The following ADK variants were observed in gnomAD, a reference collection of about 807,000 sequenced individuals.
ADK encodes N6,N6-dimethyladenosine kinase.
ADK carries 24 observed loss-of-function variants against 44.7 expected under a neutral mutation model. The observed-to-expected ratio is 0.54, with a 90% CI of 0.39 to 0.76. The LOEUF is 0.76. Among genes scored for constraint, ADK ranks in the 30% least tolerant of loss-of-function variants. The probability of loss-of-function intolerance (pLI) is 0.00; values close to 1 mark genes in which losing one functional copy is unlikely to be tolerated. For synonymous variants in ADK, 128 were observed against 142.6 expected, an observed-to-expected ratio of 0.90 and a Z score of 0.73; for missense variants, 321 against 425.1, an observed-to-expected ratio of 0.76 and a Z score of 2.15.
chr10:74,539,148 G>GT (rs1849547932), intron 7 of ADK, among the ~76,000 whole-genome samples: 1 of 152,052 alleles, frequency 6.6e-6, no homozygotes, highest in Non-Finnish European at 1.5e-5. Context: ...GAGAATTCTT[G>GT]TTTGAATTTT....
intron 7 of ADK, among the ~76,000 whole-genome samples, chr10:74,578,749 C>G (rs1851279855): frequency 6.6e-6 from 1 of 151,794 alleles, no homozygotes. Context: ...AGACAAAAAG[C>G]AAGAAAATTA....
intron 6 of ADK, among the ~76,000 whole-genome samples, chr10:74,412,723 C>CT (rs1053831673): frequency 1.3e-5 from 2 of 152,070 alleles, no homozygotes; most frequent in African/African-American, 4.8e-5. Context: ...TAAAGGGAAT[C>CT]TTTTTTTCTG....
chr10:74,690,622 A>C (rs540246878), intron 10 of ADK, among the ~76,000 whole-genome samples: 1 of 152,218 alleles, frequency 6.6e-6, no homozygotes, highest in Non-Finnish European at 1.5e-5. Context: ...TGTCAACAGC[A>C]TGGCTTTTTT....
intron 3 of ADK, among the ~76,000 whole-genome samples, chr10:74,303,795 C>G (rs1054445010): frequency 1.3e-5 from 2 of 150,944 alleles, no homozygotes; most frequent in Non-Finnish European, 3.0e-5. Context: ...TAGTGAAAAC[C>G]CGTCTCTACT....
At chr10:74,325,045 T>A (rs1474724928) in intron 4 of ADK, among the ~76,000 whole-genome samples, 1 of 152,202 alleles carries the variant, frequency 6.6e-6, no homozygotes. Context: ...ATCATTGTCA[T>A]TTGAGAGGGT....
intron 1 of ADK, among the ~76,000 whole-genome samples, chr10:74,197,773 T>G (rs1471448604): frequency 1.3e-5 from 2 of 152,262 alleles, no homozygotes; most frequent in East Asian, 3.9e-4. Context: ...TACTTCATTC[T>G]TAGAATCAAT....
chr10:74,515,349 G>T (rs1252437142), intron 6 of ADK, among the ~76,000 whole-genome samples: 1 of 152,104 alleles, frequency 6.6e-6, no homozygotes, highest in Non-Finnish European at 1.5e-5. Flanking sequence ...CTCAGGTCTG[G>T]GGTATGTATG....
At chr10:74,406,523 T>TAAG (rs1378751334) in intron 6 of ADK, among the ~76,000 whole-genome samples, 124 of 56,114 alleles carry the variant, frequency 2.2e-3, no homozygotes, top group African/African-American at 2.4e-3. Context: ...ATAATAATAA[T>TAAG]AATAAGAAGA....
chr10:74,515,644 G>A (rs1053346468), intron 6 of ADK, among the ~76,000 whole-genome samples: 4 of 152,182 alleles, frequency 2.6e-5, no homozygotes, highest in African/African-American at 9.7e-5. Context: ...GGGGACCTGT[G>A]TGTCTGTTTC....
chr10:74,191,785 G>T (rs1025807469), intron 1 of ADK, among the ~76,000 whole-genome samples: 1 of 152,088 alleles, frequency 6.6e-6, no homozygotes, highest in Admixed American at 6.6e-5. Flanking sequence ...ACGGGTTTTT[G>T]TATATACTGT....
chr10:74,345,378 A>G (rs1170867148), intron 4 of ADK, among the ~76,000 whole-genome samples: 1 of 151,046 alleles, frequency 6.6e-6, no homozygotes, highest in African/African-American at 2.4e-5. Flanking sequence ...AGAGGTTGCC[A>G]CTCACTGGAA....
intron 9 of ADK, among the ~76,000 whole-genome samples, chr10:74,617,852 A>G (rs1009893059): frequency 6.6e-6 from 1 of 152,216 alleles, no homozygotes; most frequent in African/African-American, 2.4e-5. Context: ...TTGGGCTCCC[A>G]TAGTGCGGGG....
intron 6 of ADK, among the ~76,000 whole-genome samples, chr10:74,443,157 T>C (rs1026716415): frequency 6.6e-6 from 1 of 152,192 alleles, no homozygotes; most frequent in African/African-American, 2.4e-5. Flanking sequence ...AAAGTAGCTC[T>C]TAAGTCTTCT....
At chr10:74,446,169 TCTTTA>T (rs1225721892) in intron 6 of ADK, among the ~76,000 whole-genome samples, 2 of 152,100 alleles carry the variant, frequency 1.3e-5, no homozygotes, top group African/African-American at 4.8e-5. Context: ...ATAATTTATC[TCTTTA>T]CTTATTCTAA....
intron 4 of ADK, among the ~76,000 whole-genome samples, chr10:74,316,074 C>T (rs1047755311): frequency 4.0e-5 from 6 of 151,840 alleles, no homozygotes; most frequent in African/African-American, 1.5e-4. Flanking sequence ...CCCGTCTCTC[C>T]TAAAAAAATA....
At chr10:74,543,667 G>T (rs974937770) in intron 7 of ADK, among the ~76,000 whole-genome samples, 1 of 152,062 alleles carries the variant, frequency 6.6e-6, no homozygotes, top group Non-Finnish European at 1.5e-5. Context: ...TTTTAATGGG[G>T]TTATTTTAAT....
rs1839887933 is a variant in ADK, at chr10:74,298,353, G to T, written c.195-16314G>T. On this transcript the variant is annotated intron_variant, in intron 3 of 10. Coordinates refer to ENST00000539909, the MANE Select transcript of ADK (RefSeq NM_006721.4). ...AAAGCAAGGAGAGCTATTTACTAAT[G>T]GTAAGTTAGTAAATTTTCATTGTAG... 2.0e-5 allele frequency among the ~76,000 whole-genome samples: 3 copies of T among 152,040 alleles called. No homozygotes were observed. The South Asian group carries it at 6.2e-4, about 31-fold the overall frequency.
Position 74,577,110 on chromosome 10 carries a change from C to CTGTGTGTGTG in ADK, c.727-12138_727-12129dup, listed in dbSNP as rs146683037. Among the ~76,000 whole-genome samples the CTGTGTGTGTG allele has an allele frequency of 2.3e-3, 313 of 137,410 alleles. 1 individual carries two copies. Among genetic ancestry groups the CTGTGTGTGTG allele is most frequent in the South Asian group, 4.8e-3 (19 of 3,982 alleles). The allele number at this position is 137,410 out of a possible 152,430, so 90.1% of individuals were successfully genotyped here. ...CCACTTAGTGTTTTGTATTATTTCT[C>CTGTGTGTGTG]TGTGTGTGTGTGTGTGTGTGTGTGT... On this transcript the variant is annotated intron_variant, in intron 7 of 10. Coordinates refer to ENST00000539909, the MANE Select transcript of ADK (RefSeq NM_006721.4).
chr10:74,224,644 A>G lies in ADK; in HGVS notation c.194+53A>G. The G allele has an allele frequency of 2.9e-6, 4 of 1,372,352 alleles. No individual in the cohort carries two copies. The Admixed American group carries it at 6.8e-5, about 23-fold the overall frequency. 85.0% of individuals were successfully genotyped at this position (1,372,352 alleles called of 1,614,324 possible). ...ATAGTTTACTCTGTCTATGAACTTG[A>G]TATATGTATATGTAAATTATCTGAT... is the stretch of plus-strand genomic sequence containing the variant. On this transcript the variant is annotated intron_variant, in intron 3 of 10. Coordinates refer to ENST00000539909, the MANE Select transcript of ADK (RefSeq NM_006721.4).
Sources: gnomAD v4.1 joint callset for allele counts (sites outside exome capture counted in the v4.1 genomes callset) on GRCh38, gnomAD v4.1.1 for gene constraint, MANE v1.5 for transcripts, NCBI Gene and HGNC (gene_info 2026-07-23, HGNC 2026-07-21) for gene names.